The following WDPCP variants were observed in gnomAD, a reference collection of about 807,000 sequenced individuals.
WDPCP encodes the protein WD repeat containing planar cell polarity effector.
In WDPCP, 71 loss-of-function variants were observed where a neutral mutation model predicts 93.1. The ratio of observed to expected loss-of-function variants is 0.76; its 90% CI spans 0.63 to 0.93. The LOEUF is 0.93. Ranked by LOEUF, WDPCP falls within the 40% of genes least tolerant of loss-of-function variation. The pLI is 0.00. For synonymous variants in WDPCP, 315 were observed against 315.0 expected, an observed-to-expected ratio of 1.00 and a Z score of 0.00; for missense variants, 844 against 887.4, an observed-to-expected ratio of 0.95 and a Z score of 0.62.
intron 2 of WDPCP, among the ~76,000 whole-genome samples, chr2:63,740,349 T>C (rs1471978656): frequency 6.6e-6 from 1 of 152,124 alleles, no homozygotes; most frequent in African/African-American, 2.4e-5. Flanking sequence ...TCCAACACTT[T>C]GGATTTTACT....
intron 12 of WDPCP, among the ~76,000 whole-genome samples, chr2:63,344,632 T>C (rs1170622580): frequency 6.6e-6 from 1 of 152,176 alleles, no homozygotes; most frequent in Non-Finnish European, 1.5e-5. Context: ...GCTTTCCCCA[T>C]TTGCCATCCC....
At chr2:63,558,418 C>T (rs573336086) in intron 1 of WDPCP, among the ~76,000 whole-genome samples, 27 of 151,906 alleles carry the variant, frequency 1.8e-4, no homozygotes, top group African/African-American at 6.3e-4. Context: ...ATCCCAGCTA[C>T]TTGGGAGGCT....
chr2:63,212,778 CCA>C (rs745935028), intron 14 of WDPCP, among the ~76,000 whole-genome samples: 30,191 of 149,982 alleles, frequency 0.2, 3,796 homozygotes, highest in Non-Finnish European at 0.29. Context: ...GGAAGATCTA[CCA>C]CAAAAATGGA....
At chr2:63,201,139 T>A (rs1289229064) in intron 14 of WDPCP, among the ~76,000 whole-genome samples, 1 of 152,174 alleles carries the variant, frequency 6.6e-6, no homozygotes, top group Non-Finnish European at 1.5e-5. Flanking sequence ...GAGATCTCGA[T>A]GTTTAAAAGT....
intron 2 of WDPCP, chr2:63,717,724 G>A: frequency 2.2e-6 from 1 of 445,950 alleles, no homozygotes. Context: ...GATGCCCACA[G>A]TTGGGTGTTG....
chr2:63,805,319 G>C (rs1670749252), intron 2 of WDPCP, among the ~76,000 whole-genome samples: 1 of 152,178 alleles, frequency 6.6e-6, no homozygotes, highest in Admixed American at 6.5e-5. Flanking sequence ...TAGGAAATTA[G>C]AGGTCAAAAT....
intron 11 of WDPCP, among the ~76,000 whole-genome samples, chr2:63,381,678 C>G (rs1351784793): frequency 6.6e-6 from 1 of 152,108 alleles, no homozygotes; most frequent in African/African-American, 2.4e-5. Context: ...TAAGCTCCAA[C>G]ATAAGCATAT....
In WDPCP at chr2:63,382,007, A is replaced by C; in HGVS notation, c.1523T>G (p.Leu508Arg). ...CAGAGTGTCCCAGTTCATGCTGCTC[A>C]GGATGTTTATTGCCTCATAGATCTC... ...CDEIYEAINI[L>R]SSMNWDTLGH... Residue 508 changes from leucine to arginine, a missense_variant, in exon 11 of 18, where the codon CTG becomes CGG. Leu to Arg is a moderately radical substitution (Grantham distance 102). Coordinates refer to ENST00000272321, the MANE Select transcript of WDPCP (RefSeq NM_015910.7). The C allele has an allele frequency of 6.2e-7, 1 of 1,613,584 alleles. No homozygotes were observed. The highest frequency in any genetic ancestry group is 8.5e-7 in the Non-Finnish European group (1 of 1,179,736).
chr2:63,335,096 C>T (rs758270329), intron 12 of WDPCP, among the ~76,000 whole-genome samples: 3 of 152,140 alleles, frequency 2.0e-5, no homozygotes, highest in Admixed American at 6.6e-5. Flanking sequence ...GAGCTAGATG[C>T]GTAAGTGACT....
intron 2 of WDPCP, among the ~76,000 whole-genome samples, chr2:63,769,033 G>A (rs1261170804): frequency 6.6e-6 from 1 of 151,950 alleles, no homozygotes; most frequent in Non-Finnish European, 1.5e-5. Flanking sequence ...GTTCTTGGAA[G>A]AACTACTCTG....
intron 3 of WDPCP, among the ~76,000 whole-genome samples, chr2:63,602,575 T>C (rs1423545527): frequency 6.6e-6 from 1 of 152,160 alleles, no homozygotes; most frequent in African/African-American, 2.4e-5. Context: ...TGTGTCTTTA[T>C]GAATGATTCT....
chr2:63,588,457 G>T lies in WDPCP; in HGVS notation c.-186C>A. ...TCGTCGCTTAGCAACCTGAGAAGCT[G>T]TCCGGTCGTCCCAACTTATCAATTC... On this transcript the variant is annotated 5_prime_UTR_variant, in exon 1 of 18. Coordinates refer to ENST00000272321, the MANE Select transcript of WDPCP (RefSeq NM_015910.7). 5.7e-6 allele frequency: 4 copies of T among 695,850 alleles called. No homozygotes were observed. The highest frequency in any genetic ancestry group is 1.0e-5 in the Non-Finnish European group (4 of 383,090). The allele number at this position is 695,850 out of a possible 1,614,324, so 43.1% of individuals were successfully genotyped here.
intron 13 of WDPCP, among the ~76,000 whole-genome samples, chr2:63,310,894 C>G (rs558130341): frequency 1.3e-5 from 2 of 152,262 alleles, no homozygotes; most frequent in Admixed American, 6.5e-5. Context: ...AGCAAGCAAG[C>G]AAGCCTAAAC....
rs569941386 is a variant in WDPCP at position 63,539,659 on chromosome 2, C to G, written c.76-46719G>C. 1.1e-4 allele frequency among the ~76,000 whole-genome samples: 16 copies of G among 152,114 alleles called. 1 individual carries two copies. Among genetic ancestry groups the G allele is most frequent in the African/African-American group, 3.6e-4 (15 of 41,498 alleles). ...TCAGATAATACCACTGCACTCCAGC[C>G]TGGGTGACATAGCAAGACTCTGTCT... On this transcript the variant is annotated intron_variant, in intron 1 of 17. Coordinates refer to ENST00000272321, the MANE Select transcript of WDPCP (RefSeq NM_015910.7).
rs1186274639 is a variant in WDPCP at position 63,451,834 on chromosome 2, C to A, written c.385-11963G>T. 1.4e-4 allele frequency among the ~76,000 whole-genome samples: 21 copies of A among 152,212 alleles called. 1 individual carries two copies. In the South Asian group the frequency reaches 1.5e-3, roughly 11 times the overall value. On this transcript the variant is annotated intron_variant, in intron 6 of 17. Coordinates refer to ENST00000272321, the MANE Select transcript of WDPCP (RefSeq NM_015910.7). ...TAATCCAGCATATAAACAGAACCAACGACAAAAACCACATGATTATCTCAA... is the reference window on the plus strand; with the variant it reads ...TAATCCAGCATATAAACAGAACCAAAGACAAAAACCACATGATTATCTCAA...
chr2:63,791,482 A>G (rs1355482633), intron 2 of WDPCP, among the ~76,000 whole-genome samples: 1 of 152,124 alleles, frequency 6.6e-6, no homozygotes, highest in African/African-American at 2.4e-5. Context: ...TTTTATACCC[A>G]TAGCCTCCAC....
chr2:63,768,440 T>C (rs534718859), intron 2 of WDPCP, among the ~76,000 whole-genome samples: 1 of 152,130 alleles, frequency 6.6e-6, no homozygotes, highest in South Asian at 2.1e-4. Context: ...TGCTGAAATT[T>C]TGATAGGGGT....
intron 12 of WDPCP, among the ~76,000 whole-genome samples, chr2:63,323,778 C>T (rs544465560): frequency 4.6e-5 from 7 of 152,068 alleles, no homozygotes; most frequent in East Asian, 1.9e-4. Flanking sequence ...TTCGAGAATG[C>T]GTTGGTAAGG....
chr2:63,235,729 C>G (rs1337627729), intron 14 of WDPCP, among the ~76,000 whole-genome samples: 1 of 151,840 alleles, frequency 6.6e-6, no homozygotes, highest in African/African-American at 2.4e-5. Context: ...ACCACATAAA[C>G]AGAATTAAAA....
Sources: gnomAD v4.1 joint callset for allele counts (sites outside exome capture counted in the v4.1 genomes callset) on GRCh38, gnomAD v4.1.1 for gene constraint, MANE v1.5 for transcripts, NCBI Gene and HGNC (gene_info 2026-07-23, HGNC 2026-07-21) for gene names.